Variants in GLRA2 observed in about 807,000 individuals in gnomAD.
The protein encoded by GLRA2 is glycine receptor alpha 2, also known as glycine receptor subunit alpha-2.
In GLRA2, 11 loss-of-function variants were observed where a neutral mutation model predicts 31.6. The observed-to-expected ratio is 0.35, with a 90% CI of 0.22 to 0.58. GLRA2 has a LOEUF of 0.58. Among genes scored for constraint, GLRA2 ranks in the 20% least tolerant of loss-of-function variants. The probability of loss-of-function intolerance (pLI) is 0.84; values close to 1 mark genes in which losing one functional copy is unlikely to be tolerated. For synonymous variants in GLRA2, 132 were observed against 134.0 expected, an observed-to-expected ratio of 0.99 and a Z score of 0.10; for missense variants, 212 against 351.8, an observed-to-expected ratio of 0.60 and a Z score of 3.18.
chrX:14,453,054 G>T, the GLRA2 span, among the ~76,000 whole-genome samples: 2 of 111,607 alleles, frequency 1.8e-5, no homozygotes, highest in Admixed American at 1.9e-4. Context: ...ATAAGTCATC[G>T]TAGCAGGTTT....
chrX:14,577,692 C>T (rs985420920), intron 3 of GLRA2, among the ~76,000 whole-genome samples: 22 of 111,229 alleles, frequency 2.0e-4, no homozygotes, highest in Non-Finnish European at 4.2e-4. Context: ...TCTACCCTTA[C>T]GACCTCATCA....
At chrX:14,599,565 CT>C (rs1486563020) in intron 4 of GLRA2, among the ~76,000 whole-genome samples, 5 of 112,108 alleles carry the variant, frequency 4.5e-5, no homozygotes, top group Admixed American at 9.4e-5. Context: ...ATATCAAGTT[CT>C]TTTTTTCCCC....
the GLRA2 span, among the ~76,000 whole-genome samples, chrX:14,500,874 A>G: frequency 9.0e-6 from 1 of 110,842 alleles, no homozygotes; most frequent in East Asian, 2.8e-4. Context: ...AAGCCAGCTT[A>G]TATCTACACC....
At chrX:14,682,999 C>T (rs369468738) in intron 7 of GLRA2, among the ~76,000 whole-genome samples, 13 of 111,377 alleles carry the variant, frequency 1.2e-4, no homozygotes, top group East Asian at 2.8e-4. Flanking sequence ...TGAATAGTGC[C>T]GCAATAAACA....
chrX:14,533,478 T>TA (rs2089283947), intron 2 of GLRA2, among the ~76,000 whole-genome samples: 1 of 108,503 alleles, frequency 9.2e-6, no homozygotes, highest in African/African-American at 3.3e-5. Flanking sequence ...TTTTTAAGTA[T>TA]CTCCAAGAGA....
Position 14,663,516 on chromosome X carries a change from T to TACACACAC in GLRA2, c.931-27176_931-27169dup, listed in dbSNP as rs751970033. ...TCATGCCAAAATTACTAGAAAAGAT[T>TACACACAC]ACACACACACACACACACACACACA... is the stretch of plus-strand genomic sequence containing the variant. On this transcript the variant is annotated intron_variant, in intron 7 of 8. Transcript: ENST00000218075. Among the ~76,000 whole-genome samples, 3 of 104,024 alleles carry TACACACAC rather than the reference T, an allele frequency of 2.9e-5. No individual in the cohort carries two copies. In the Admixed American group the frequency reaches 3.2e-4, roughly 11 times the overall value. 90.3% of individuals were successfully genotyped at this position (104,024 alleles called of 115,157 possible).
chrX:14,479,284 CCTT>C, the GLRA2 span, among the ~76,000 whole-genome samples: 1 of 112,064 alleles, frequency 8.9e-6, no homozygotes, highest in Non-Finnish European at 1.9e-5. Context: ...ATCGGTAAAA[CCTT>C]CTTTAATTGA....
At position 14,691,278 on chromosome X, in the gene GLRA2, T is replaced by A. The variant is rs1359827625; in HGVS notation, c.1080+419T>A. Among the ~76,000 whole-genome samples, 180 of 24,437 alleles carry A rather than the reference T, an allele frequency of 7.4e-3. 2 individuals carry two copies. Among genetic ancestry groups the A allele is most frequent in the Middle Eastern group, 0.055 (3 of 55 alleles). The allele number at this position is 24,437 out of a possible 115,157, so 21.2% of individuals were successfully genotyped here. On this transcript the variant is annotated intron_variant, in intron 8 of 8. Transcript: ENST00000218075. ...GGTTCTTCTAAATATTGACTGTGTG[T>A]GTGTGTGTGTGTGTGTGTGTGTGTG...
chrX:14,504,946 G>A, the GLRA2 span, among the ~76,000 whole-genome samples: 1 of 112,046 alleles, frequency 8.9e-6, no homozygotes, highest in Admixed American at 9.5e-5. Flanking sequence ...CTTCTAGAAT[G>A]TACCAGAAGT....
chrX:14,469,549 C>T, the GLRA2 span, among the ~76,000 whole-genome samples: 1 of 107,227 alleles, frequency 9.3e-6, no homozygotes. Context: ...TTTGTAGGGA[C>T]ATGGATGAAA....
chrX:14,713,114 T>A (rs895457153), intron 8 of GLRA2, among the ~76,000 whole-genome samples: 1 of 112,060 alleles, frequency 8.9e-6, no homozygotes, highest in Non-Finnish European at 1.9e-5. Context: ...TGAAGCACGA[T>A]AAAGATCTAG....
rs2091982212 is a variant in GLRA2, at chrX:14,730,718, T to C, written c.*233T>C. 1 of 376,699 alleles carries C rather than the reference T, an allele frequency of 2.7e-6. No homozygotes were observed. Among genetic ancestry groups the C allele is most frequent in the African/African-American group, 2.6e-5 (1 of 39,078 alleles). The allele number at this position is 376,699 out of a possible 1,213,427, so 31.0% of individuals were successfully genotyped here. ...AATCACGGGAGCATAATAATTCCCT[T>C]CCATAATCTTTAGCATTGTTCTTTC... On this transcript the variant is annotated 3_prime_UTR_variant, in exon 9 of 9. Coordinates refer to ENST00000218075, the MANE Select transcript of GLRA2 (RefSeq NM_002063.4).
At chrX:14,648,386 A>C (rs1391200256) in intron 7 of GLRA2, among the ~76,000 whole-genome samples, 2 of 112,209 alleles carry the variant, frequency 1.8e-5, no homozygotes, top group Non-Finnish European at 3.8e-5. Context: ...ATCTTGAATA[A>C]ACATAGATCT....
chrX:14,642,880 C>T (rs979220052), intron 7 of GLRA2, among the ~76,000 whole-genome samples: 1 of 111,040 alleles, frequency 9.0e-6, no homozygotes, highest in African/African-American at 3.3e-5. Flanking sequence ...GATAAGATAT[C>T]ATGTCCATGA....
intron 2 of GLRA2, among the ~76,000 whole-genome samples, chrX:14,542,693 T>C (rs2089422360): frequency 9.0e-6 from 1 of 110,854 alleles, no homozygotes; most frequent in Non-Finnish European, 1.9e-5. Flanking sequence ...GGTGCATGAT[T>C]TACCCCTTGC....
rs913528917 is a variant in GLRA2, at chrX:14,669,604, C to T, written c.931-21106C>T. ...TCACAGGTTCAACACCACGTGGAAG[C>T]TGCCAAGGCTTGAGGCTTGCACCCT... On this transcript the variant is annotated intron_variant, in intron 7 of 8. Transcript: ENST00000218075. 3.6e-5 allele frequency among the ~76,000 whole-genome samples: 4 copies of T among 112,058 alleles called. No individual in the cohort carries two copies. The Admixed American group carries it at 3.8e-4, about 11-fold the overall frequency.
chrX:14,469,828 T>C, the GLRA2 span, among the ~76,000 whole-genome samples: 1 of 109,698 alleles, frequency 9.1e-6, no homozygotes, highest in Non-Finnish European at 1.9e-5. Flanking sequence ...ACATGTACCC[T>C]AAAACTTAAA....
chrX:14,455,928 C>T, the GLRA2 span, among the ~76,000 whole-genome samples: 2 of 111,540 alleles, frequency 1.8e-5, no homozygotes, highest in Non-Finnish European at 3.8e-5. Flanking sequence ...AATTAGTCAA[C>T]AGTTTTCTTT....
rs558674279 is a variant in GLRA2, at chrX:14,683,075, G to A, written c.931-7635G>A. On this transcript the variant is annotated intron_variant, in intron 7 of 8. Coordinates refer to ENST00000218075, the MANE Select transcript of GLRA2 (RefSeq NM_002063.4). ...CTTTGGGTATATACCCAGTAATGGG[G>A]TGGCTGGGTCAAATGGTATTTCTAG... 1.3e-4 allele frequency among the ~76,000 whole-genome samples: 14 copies of A among 111,809 alleles called. No homozygotes were observed. The South Asian group carries it at 4.9e-3, about 39-fold the overall frequency.
Sources: gnomAD v4.1 joint callset for allele counts (sites outside exome capture counted in the v4.1 genomes callset) on GRCh38, gnomAD v4.1.1 for gene constraint, MANE v1.5 for transcripts, NCBI Gene and HGNC (gene_info 2026-07-23, HGNC 2026-07-21) for gene names.